Variants in NRG3 observed in about 807,000 individuals in gnomAD.
NRG3 encodes neuregulin 3.
Under a neutral mutation model 66.9 loss-of-function variants are expected in NRG3, and 31 were observed. The observed-to-expected ratio is 0.46, with a 90% CI of 0.35 to 0.63. The LOEUF is 0.63. Among genes scored for constraint, NRG3 ranks in the 20% least tolerant of loss-of-function variants. The pLI is 0.00. For synonymous variants in NRG3, 393 were observed against 359.4 expected (o/e 1.09, Z -1.06); for missense variants, 910 against 878.9 (o/e 1.04, Z -0.45).
intron 2 of NRG3, among the ~76,000 whole-genome samples, chr10:82,466,095 C>T (rs1008875951): frequency 5.9e-5 from 9 of 152,158 alleles, no homozygotes; most frequent in South Asian, 2.1e-4. Flanking sequence ...CTATTCTTGC[C>T]GTCACTTCCA....
chr10:81,885,502 G>T (rs1279499393), intron 1 of NRG3, among the ~76,000 whole-genome samples: 1 of 152,050 alleles, frequency 6.6e-6, no homozygotes, highest in Admixed American at 6.6e-5. Flanking sequence ...TTCTGCCGGG[G>T]GTACTACAAA....
chr10:82,965,193 T>A (rs1851092849), intron 6 of NRG3, among the ~76,000 whole-genome samples: 1 of 152,210 alleles, frequency 6.6e-6, no homozygotes, highest in Admixed American at 6.5e-5. Context: ...GCTAACAGGA[T>A]CTTTTGTATA....
intron 1 of NRG3, among the ~76,000 whole-genome samples, chr10:82,312,049 A>G (rs2081056313): frequency 6.6e-6 from 1 of 152,232 alleles, no homozygotes; most frequent in Non-Finnish European, 1.5e-5. Flanking sequence ...TGTAACAGGT[A>G]TAAAGTGTTC....
At chr10:82,474,873 G>A (rs1432600745) in intron 2 of NRG3, among the ~76,000 whole-genome samples, 28 of 151,974 alleles carry the variant, frequency 1.8e-4, no homozygotes, top group Admixed American at 1.7e-3. Context: ...CTTGAAAGCA[G>A]CAAGAGAAAA....
intron 1 of NRG3, among the ~76,000 whole-genome samples, chr10:82,062,041 C>T (rs980444585): frequency 2.0e-5 from 3 of 152,090 alleles, no homozygotes; most frequent in Admixed American, 6.5e-5. Context: ...GAATAGCTAT[C>T]CAAAGATAGC....
At chr10:82,249,048 C>A (rs1450241461) in intron 1 of NRG3, among the ~76,000 whole-genome samples, 6 of 152,154 alleles carry the variant, frequency 3.9e-5, no homozygotes, top group Non-Finnish European at 7.4e-5. Flanking sequence ...ACCCTTGATG[C>A]CTTTTGTAAT....
intron 3 of NRG3, among the ~76,000 whole-genome samples, chr10:82,805,936 T>G (rs867706254): frequency 1.3e-5 from 2 of 152,214 alleles, no homozygotes; most frequent in South Asian, 4.1e-4. Context: ...TTGCTAAAAA[T>G]CTTTATTTTC....
intron 2 of NRG3, among the ~76,000 whole-genome samples, chr10:82,421,503 A>C (rs544029416): frequency 6.6e-6 from 1 of 151,330 alleles, no homozygotes; most frequent in Non-Finnish European, 1.5e-5. Context: ...CTCAGTTACC[A>C]AAAAAAAAGT....
chr10:82,956,223 G>T (rs1405988965), intron 5 of NRG3, among the ~76,000 whole-genome samples: 1 of 152,116 alleles, frequency 6.6e-6, no homozygotes, highest in Non-Finnish European at 1.5e-5. Flanking sequence ...TTGGACCAGA[G>T]AAATTTAAAA....
intron 2 of NRG3, among the ~76,000 whole-genome samples, chr10:82,408,085 C>CAGAAAGAAAGAAAAGAAAGAA (rs1554911189): frequency 4.4e-4 from 33 of 74,854 alleles, no homozygotes; most frequent in African/African-American, 1.8e-3. Context: ...GAGAGAGAGA[C>CAGAAAGAAAGAAAAGAAAGAA]AGAAAGAAAG....
intron 4 of NRG3, among the ~76,000 whole-genome samples, chr10:82,883,749 T>C (rs1842486741): frequency 6.6e-6 from 1 of 152,154 alleles, no homozygotes; most frequent in Non-Finnish European, 1.5e-5. Flanking sequence ...CGGTTTGTCA[T>C]TAACTCTTCA....
chr10:82,944,702 T>C (rs1848854070), intron 4 of NRG3, among the ~76,000 whole-genome samples: 1 of 152,132 alleles, frequency 6.6e-6, no homozygotes, highest in African/African-American at 2.4e-5. Flanking sequence ...ATTTTTTAGG[T>C]TTACTTTCTG....
rs147330067 is a variant in NRG3, at chr10:82,392,204, G to A, written c.953+33336G>A. Among the ~76,000 whole-genome samples the A allele has an allele frequency of 2.1e-3, 314 of 152,198 alleles. 2 individuals carry two copies. Among genetic ancestry groups the A allele is most frequent in the Non-Finnish European group, 3.4e-3 (233 of 68,010 alleles). Reference sequence around the variant, plus strand: ...TTCAATGTATTGCCTAGATTCCTCTGGCTTGTAGTGCTCCCGTCATTTCTA... The same window carrying A: ...TTCAATGTATTGCCTAGATTCCTCTAGCTTGTAGTGCTCCCGTCATTTCTA... On this transcript the variant is annotated intron_variant, in intron 2 of 8. Coordinates refer to ENST00000372141, the MANE Select transcript of NRG3 (RefSeq NM_001010848.4).
Position 82,358,773 on chromosome 10 carries a change from C to T in NRG3, c.858C>T (p.His286=), listed in dbSNP as rs2083939105. Residue 286 remains histidine, a synonymous_variant, in exon 2 of 9, where the codon CAC becomes CAT. Transcript: ENST00000372141. ...TTTYSTERSE[H]FKPCRDKDLA... is the part of the protein sequence containing the mutation. ...CATATTCCACAGAGCGATCCGAGCA[C>T]TTCAAACCCTGCCGAGACAAGGACC... 6.2e-7 allele frequency: 1 copy of T among 1,614,070 alleles called. No homozygotes were observed. Among genetic ancestry groups the T allele is most frequent in the Admixed American group, 1.7e-5 (1 of 60,004 alleles).
chr10:82,831,468 TG>T (rs200748736), intron 3 of NRG3, among the ~76,000 whole-genome samples: 93 of 151,430 alleles, frequency 6.1e-4, no homozygotes, highest in African/African-American at 1.8e-3. Flanking sequence ...CAGTTTTTTT[TG>T]TGTGTGTTTT....
intron 1 of NRG3, among the ~76,000 whole-genome samples, chr10:82,083,756 G>A (rs562978486): frequency 3.3e-5 from 5 of 151,234 alleles, no homozygotes; most frequent in East Asian, 4.0e-4. Context: ...CACCATGCCC[G>A]GCTAATGTTT....
At chr10:82,644,177 C>G (rs1362632722) in intron 2 of NRG3, among the ~76,000 whole-genome samples, 1 of 152,056 alleles carries the variant, frequency 6.6e-6, no homozygotes, top group African/African-American at 2.4e-5. Flanking sequence ...ATATAAACTT[C>G]AAGACACCTG....
At chr10:82,507,075 G>A (rs554415564) in intron 2 of NRG3, among the ~76,000 whole-genome samples, 5 of 152,150 alleles carry the variant, frequency 3.3e-5, no homozygotes, top group African/African-American at 1.2e-4. Flanking sequence ...GCTGTCCCAG[G>A]CCTATTAAGG....
At chr10:81,924,283 A>G (rs763005745) in intron 1 of NRG3, among the ~76,000 whole-genome samples, 6 of 152,228 alleles carry the variant, frequency 3.9e-5, no homozygotes, top group Non-Finnish European at 8.8e-5. Flanking sequence ...TAACAGAAAT[A>G]TGCTCCTAAA....
Sources: allele counts gnomAD v4.1 joint callset (sites outside exome capture counted in the v4.1 genomes callset), GRCh38; gene constraint gnomAD v4.1.1; transcripts MANE v1.5; gene names NCBI Gene and HGNC (gene_info 2026-07-23, HGNC 2026-07-21).